CNTNAP2: variants seen among roughly 807,000 people sequenced by gnomAD.
CNTNAP2 encodes the protein contactin-associated protein-like 2.
CNTNAP2 carries 98 observed loss-of-function variants against 155.2 expected under a neutral mutation model. The ratio of observed to expected loss-of-function variants is 0.63; its 90% CI spans 0.54 to 0.75. CNTNAP2 has a LOEUF of 0.75. Ranked by LOEUF, CNTNAP2 falls within the 30% of genes least tolerant of loss-of-function variation. The pLI is 0.00. For synonymous variants in CNTNAP2, 651 were observed against 631.2 expected, an observed-to-expected ratio of 1.03 and a Z score of -0.47; for missense variants, 1,727 against 1,688.1, an observed-to-expected ratio of 1.02 and a Z score of -0.40.
At chr7:146,475,927 A>AT (rs560544964) in intron 1 of CNTNAP2, among the ~76,000 whole-genome samples, 3 of 152,122 alleles carry the variant, frequency 2.0e-5, no homozygotes, top group Admixed American at 6.5e-5. Flanking sequence ...TAAATTTATG[A>AT]TTTTTTATGT....
intron 15 of CNTNAP2, among the ~76,000 whole-genome samples, chr7:148,057,694 G>A (rs1426628668): frequency 6.6e-6 from 1 of 152,158 alleles, no homozygotes; most frequent in Non-Finnish European, 1.5e-5. Context: ...CTTACTGAAG[G>A]AACTGAAGGT....
intron 1 of CNTNAP2, among the ~76,000 whole-genome samples, chr7:146,556,507 C>T (rs2129143637): frequency 6.6e-6 from 1 of 152,280 alleles, no homozygotes; most frequent in South Asian, 2.1e-4. Flanking sequence ...AATTCCCCTT[C>T]TTCTCTTTGT....
intron 3 of CNTNAP2, among the ~76,000 whole-genome samples, chr7:146,850,672 T>A (rs954620055): frequency 1.2e-4 from 19 of 152,108 alleles, no homozygotes; most frequent in African/African-American, 4.6e-4. Context: ...TAACTTATTA[T>A]GGTAATCATT....
At chr7:147,266,062 C>T (rs941632839) in intron 8 of CNTNAP2, among the ~76,000 whole-genome samples, 51 of 152,192 alleles carry the variant, frequency 3.4e-4, no homozygotes, top group African/African-American at 1.2e-3. Context: ...GCTGAACACT[C>T]AAAAGGCCAG....
intron 11 of CNTNAP2, among the ~76,000 whole-genome samples, chr7:147,553,999 T>C (rs1382623940): frequency 6.6e-6 from 1 of 151,912 alleles, no homozygotes; most frequent in Non-Finnish European, 1.5e-5. Context: ...GAGAGAAGGT[T>C]AGAGATGGGA....
chr7:147,294,585 G>C (rs2116756232), intron 8 of CNTNAP2, among the ~76,000 whole-genome samples: 1 of 152,194 alleles, frequency 6.6e-6, no homozygotes, highest in Non-Finnish European at 1.5e-5. Context: ...AAGACTTACT[G>C]CATTGCTTTC....
At chr7:147,801,346 G>A (rs1165877134) in intron 13 of CNTNAP2, among the ~76,000 whole-genome samples, 1 of 87,772 alleles carries the variant, frequency 1.1e-5, no homozygotes, top group African/African-American at 4.1e-5. Flanking sequence ...TTTTTTTATT[G>A]ATCATTCTTG....
At chr7:147,641,913 T>C (rs13438698) in intron 13 of CNTNAP2, among the ~76,000 whole-genome samples, 6,078 of 152,202 alleles carry the variant, frequency 0.04, 387 homozygotes, top group Admixed American at 0.15. Context: ...ACAATGGGGT[T>C]CCAAGTGATG....
chr7:147,863,014 T>G (rs1013679836), intron 13 of CNTNAP2, among the ~76,000 whole-genome samples: 2 of 152,112 alleles, frequency 1.3e-5, no homozygotes, highest in Non-Finnish European at 2.9e-5. Context: ...ATATGCCATG[T>G]TGGTTTGCTC....
rs1010272419 is a variant in CNTNAP2, at chr7:146,524,592, G to A, written c.98-249679G>A. Among the ~76,000 whole-genome samples the A allele has an allele frequency of 5.3e-5, 8 of 151,922 alleles. No individual in the cohort carries two copies. In the East Asian group the frequency reaches 1.4e-3, roughly 26 times the overall value. ...ATGTTTCTCAACATAAAATACTATC[G>A]TCGTCATGCCAGACTGCTCTCTAGG... On this transcript the variant is annotated intron_variant, in intron 1 of 23. Coordinates refer to ENST00000361727, the MANE Select transcript of CNTNAP2 (RefSeq NM_014141.6).
At chr7:147,250,490 A>G (rs1190881905) in intron 8 of CNTNAP2, among the ~76,000 whole-genome samples, 1 of 152,086 alleles carries the variant, frequency 6.6e-6, no homozygotes, top group Non-Finnish European at 1.5e-5. Flanking sequence ...AATTCCTGCT[A>G]TATCATCTCC....
intron 4 of CNTNAP2, among the ~76,000 whole-genome samples, chr7:147,067,480 G>T (rs967855935): frequency 6.6e-6 from 1 of 151,962 alleles, no homozygotes. Context: ...AAAAAACTGT[G>T]TATTGCTATT....
intron 1 of CNTNAP2, among the ~76,000 whole-genome samples, chr7:146,521,436 A>G (rs1797615356): frequency 6.6e-6 from 1 of 151,986 alleles, no homozygotes; most frequent in Non-Finnish European, 1.5e-5. Context: ...AATTTCCAAA[A>G]TCAACTGAAT....
At chr7:148,329,235 G>A (rs910878964) in intron 21 of CNTNAP2, among the ~76,000 whole-genome samples, 2 of 152,156 alleles carry the variant, frequency 1.3e-5, no homozygotes, top group Non-Finnish European at 2.9e-5. Context: ...TTGCTAGTCG[G>A]CTAAAAAGTT....
At chr7:148,332,526 C>T (rs1361710587) in intron 21 of CNTNAP2, among the ~76,000 whole-genome samples, 3 of 152,134 alleles carry the variant, frequency 2.0e-5, no homozygotes, top group African/African-American at 7.2e-5. Context: ...CAGAGCGTGG[C>T]CCTTCTGAAC....
intron 21 of CNTNAP2, among the ~76,000 whole-genome samples, chr7:148,343,190 C>T (rs564444104): frequency 1.3e-5 from 2 of 152,332 alleles, no homozygotes; most frequent in East Asian, 3.9e-4. Flanking sequence ...GTCTCCCCAG[C>T]AGAGCACTTT....
intron 3 of CNTNAP2, among the ~76,000 whole-genome samples, chr7:146,954,016 C>T (rs1432315320): frequency 6.6e-6 from 1 of 151,874 alleles, no homozygotes; most frequent in Non-Finnish European, 1.5e-5. Flanking sequence ...TTGATACCAC[C>T]ATATAACGTG....
chr7:147,911,234 A>G (rs1049916819), intron 14 of CNTNAP2, among the ~76,000 whole-genome samples: 4 of 152,138 alleles, frequency 2.6e-5, no homozygotes, highest in African/African-American at 7.2e-5. Flanking sequence ...GGAAACACCA[A>G]CTCCAAGTGA....
chr7:146,787,670 C>CA (rs1437364187), intron 2 of CNTNAP2, among the ~76,000 whole-genome samples: 8 of 152,188 alleles, frequency 5.3e-5, no homozygotes, highest in African/African-American at 1.9e-4. Flanking sequence ...GGTACCCGAG[C>CA]AGGTTGTCAC....
Sources: allele counts gnomAD v4.1 joint callset (sites outside exome capture counted in the v4.1 genomes callset), GRCh38; gene constraint gnomAD v4.1.1; transcripts MANE v1.5; gene names NCBI Gene and HGNC (gene_info 2026-07-23, HGNC 2026-07-21).